Variants in CNTNAP2 observed in about 807,000 individuals in gnomAD.
The protein encoded by CNTNAP2 is contactin associated protein 2.
CNTNAP2 carries 98 observed loss-of-function variants against 155.2 expected under a neutral mutation model. That is an observed-to-expected ratio of 0.63 (90% CI 0.54 to 0.75). CNTNAP2 has a LOEUF of 0.75. Among genes scored for constraint, CNTNAP2 ranks in the 30% least tolerant of loss-of-function variants. CNTNAP2 has a pLI of 0.00. For synonymous variants in CNTNAP2, 651 were observed against 631.2 expected (o/e 1.03, Z -0.47); for missense variants, 1,727 against 1,688.1 (o/e 1.02, Z -0.40).
chr7:147,035,792 G>T (rs966809540), intron 3 of CNTNAP2, among the ~76,000 whole-genome samples: 1 of 151,958 alleles, frequency 6.6e-6, no homozygotes, highest in South Asian at 2.1e-4. Context: ...TGAGGATTTA[G>T]TTAGGAATAA....
At chr7:147,786,771 C>A (rs745419808) in intron 13 of CNTNAP2, among the ~76,000 whole-genome samples, 13 of 152,160 alleles carry the variant, frequency 8.5e-5, no homozygotes, top group South Asian at 4.1e-4. Context: ...AGTTCAAGAC[C>A]AGCCTGGGCC....
intron 12 of CNTNAP2, among the ~76,000 whole-genome samples, chr7:147,616,817 G>A (rs367665539): frequency 7.2e-5 from 11 of 151,956 alleles, no homozygotes; most frequent in African/African-American, 1.9e-4. Context: ...GCTCATTGCC[G>A]TACCTCTAGA....
chr7:146,564,386 C>T (rs1179608464), intron 1 of CNTNAP2, among the ~76,000 whole-genome samples: 2 of 151,638 alleles, frequency 1.3e-5, no homozygotes, highest in Non-Finnish European at 2.9e-5. Flanking sequence ...ATATCTCTGT[C>T]GGTTGAGTTA....
chr7:147,097,536 C>T (rs1336663970), intron 4 of CNTNAP2: 1 of 152,196 alleles, frequency 6.6e-6, no homozygotes, highest in African/African-American at 2.4e-5. Flanking sequence ...AAACGGGTTT[C>T]CCTTTATCAA....
At chr7:146,285,220 A>T (rs1800307546) in intron 1 of CNTNAP2, among the ~76,000 whole-genome samples, 1 of 152,198 alleles carries the variant, frequency 6.6e-6, no homozygotes. Context: ...TATTGACTTC[A>T]TAGAGACATG....
intron 1 of CNTNAP2, among the ~76,000 whole-genome samples, chr7:146,455,583 T>C (rs77830767): frequency 3.3e-5 from 5 of 152,210 alleles, no homozygotes; most frequent in African/African-American, 7.2e-5. Flanking sequence ...TTCTAAGACC[T>C]TCTCTCATTC....
rs368244551 is a variant in CNTNAP2 at position 146,930,196 on chromosome 7, G to A, written c.402+90292G>A. On this transcript the variant is annotated intron_variant, in intron 3 of 23. Coordinates refer to ENST00000361727, the MANE Select transcript of CNTNAP2 (RefSeq NM_014141.6). Reference sequence around the variant, plus strand: ...TTAAGGGCAGCCAGAGAGAAAGGTCGGGTTACCCTCAAAGGGAAGCCCATC... The same window carrying A: ...TTAAGGGCAGCCAGAGAGAAAGGTCAGGTTACCCTCAAAGGGAAGCCCATC... Among the ~76,000 whole-genome samples, 460 of 152,210 alleles carry A rather than the reference G, an allele frequency of 3.0e-3. 3 individuals are homozygous for A. The highest frequency in any genetic ancestry group is 8.5e-3 in the African/African-American group (353 of 41,530).
intron 3 of CNTNAP2, among the ~76,000 whole-genome samples, chr7:146,850,442 G>T (rs978597828): frequency 1.3e-5 from 2 of 152,294 alleles, no homozygotes; most frequent in African/African-American, 4.8e-5. Flanking sequence ...AACTTCAGCT[G>T]CACAAATTAA....
chr7:146,519,802 A>G (rs1400820329), intron 1 of CNTNAP2, among the ~76,000 whole-genome samples: 1 of 151,880 alleles, frequency 6.6e-6, no homozygotes, highest in African/African-American at 2.4e-5. Flanking sequence ...ATATATAATC[A>G]GTTCTTTGGT....
At chr7:146,699,524 C>T (rs928765622) in intron 1 of CNTNAP2, among the ~76,000 whole-genome samples, 4 of 152,096 alleles carry the variant, frequency 2.6e-5, no homozygotes, top group African/African-American at 7.2e-5. Flanking sequence ...AAGGGTTTCT[C>T]GGCTTTTTAT....
At position 147,270,053 on chromosome 7, in the gene CNTNAP2, C is replaced by A. The variant is rs1344059166; in HGVS notation, c.1349-30088C>A. On this transcript the variant is annotated intron_variant, in intron 8 of 23. Coordinates refer to ENST00000361727, the MANE Select transcript of CNTNAP2 (RefSeq NM_014141.6). Reference sequence around the variant, plus strand: ...CTCCAGCCTGGGCAACAGAGTGATACCTTATCACTTAAAAAAAAATTAAAA... The same window carrying A: ...CTCCAGCCTGGGCAACAGAGTGATAACTTATCACTTAAAAAAAAATTAAAA... 5.9e-5 allele frequency among the ~76,000 whole-genome samples: 9 copies of A among 151,998 alleles called. No homozygotes were observed. The East Asian group carries it at 1.7e-3, about 29-fold the overall frequency.
At chr7:146,220,722 A>G (rs1799193680) in intron 1 of CNTNAP2, among the ~76,000 whole-genome samples, 1 of 152,210 alleles carries the variant, frequency 6.6e-6, no homozygotes, top group African/African-American at 2.4e-5. Context: ...ATTCTGTTAC[A>G]CAAAAACTTT....
chr7:147,884,047 G>A (rs908644682), intron 13 of CNTNAP2, among the ~76,000 whole-genome samples: 9 of 152,172 alleles, frequency 5.9e-5, no homozygotes, highest in South Asian at 2.1e-4. Flanking sequence ...TTAAGTGAAA[G>A]CCAGCCTAAC....
intron 1 of CNTNAP2, among the ~76,000 whole-genome samples, chr7:146,734,431 A>G (rs1356174157): frequency 2.0e-5 from 3 of 152,200 alleles, no homozygotes; most frequent in East Asian, 1.9e-4. Context: ...AGCATAAAGT[A>G]TATCTGAAGA....
chr7:146,889,508 T>C (rs930600351), intron 3 of CNTNAP2, among the ~76,000 whole-genome samples: 3 of 152,210 alleles, frequency 2.0e-5, no homozygotes, highest in African/African-American at 4.8e-5. Flanking sequence ...TATTGTGATA[T>C]GACTTAAACC....
At chr7:146,783,512 T>C (rs996852792) in intron 2 of CNTNAP2, among the ~76,000 whole-genome samples, 8 of 152,324 alleles carry the variant, frequency 5.3e-5, no homozygotes, top group African/African-American at 1.4e-4. Flanking sequence ...ATGTGTATCA[T>C]TGACACTTGT....
rs150842178 is a variant in CNTNAP2, at chr7:146,960,597, T to C, written c.403-83310T>C. 3.9e-5 allele frequency among the ~76,000 whole-genome samples: 6 copies of C among 152,342 alleles called. No individual in the cohort carries two copies. In the East Asian group the frequency reaches 9.6e-4, roughly 24 times the overall value. On this transcript the variant is annotated intron_variant, in intron 3 of 23. Coordinates refer to ENST00000361727, the MANE Select transcript of CNTNAP2 (RefSeq NM_014141.6). The stretch of plus-strand genomic sequence containing the variant: ...ATTGTCATACAAGGCATATAAGGAT[T>C]TATTCAAAAATTTATCAACAATCTG...
intron 9 of CNTNAP2, among the ~76,000 whole-genome samples, chr7:147,324,938 G>A (rs892477124): frequency 1.3e-5 from 2 of 152,136 alleles, no homozygotes; most frequent in Non-Finnish European, 2.9e-5. Flanking sequence ...CATGCCTGTA[G>A]GTAATGGCAG....
intron 13 of CNTNAP2, among the ~76,000 whole-genome samples, chr7:147,699,627 A>G (rs945225141): frequency 6.6e-6 from 1 of 152,152 alleles, no homozygotes; most frequent in Non-Finnish European, 1.5e-5. Flanking sequence ...GATGGCTTTA[A>G]TATTACAGAA....
Sources: allele counts gnomAD v4.1 joint callset (sites outside exome capture counted in the v4.1 genomes callset), GRCh38; gene constraint gnomAD v4.1.1; transcripts MANE v1.5; gene names NCBI Gene and HGNC (gene_info 2026-07-23, HGNC 2026-07-21).